Variants in LRRC1 observed in about 807,000 individuals in gnomAD.
LRRC1 encodes leucine-rich repeat-containing protein 1.
In LRRC1, 28 loss-of-function variants were observed where a neutral mutation model predicts 69.9. That is an observed-to-expected ratio of 0.40 (90% CI 0.30 to 0.55). The LOEUF is 0.55. Among genes scored for constraint, LRRC1 ranks in the 20% least tolerant of loss-of-function variants. The pLI, the probability that LRRC1 is intolerant of heterozygous loss-of-function variation, is 0.47. For missense variants in LRRC1, 498 were observed against 609.0 expected (o/e 0.82, Z 1.92); for synonymous variants, 236 against 240.2 (o/e 0.98, Z 0.16).
intron 2 of LRRC1, among the ~76,000 whole-genome samples, chr6:53,851,285 A>G (rs752111594): frequency 6.6e-6 from 1 of 151,900 alleles, no homozygotes; most frequent in Non-Finnish European, 1.5e-5. Flanking sequence ...ATTAGGAATT[A>G]ATTCATATAT....
At chr6:53,922,300 AC>A (rs1294460924) in intron 13 of LRRC1, among the ~76,000 whole-genome samples, 1 of 151,828 alleles carries the variant, frequency 6.6e-6, no homozygotes, top group Non-Finnish European at 1.5e-5. Context: ...CTTTCCCCAC[AC>A]CCTGTAATTA....
intron 2 of LRRC1, among the ~76,000 whole-genome samples, chr6:53,864,963 A>G (rs6905323): frequency 0.24 from 36,528 of 152,030 alleles, 4,640 homozygotes; most frequent in South Asian, 0.26. Flanking sequence ...CTTAAAAAAT[A>G]TAAAGTGTCC....
In LRRC1 at chr6:53,899,734, G is replaced by A. The variant is rs750518283; in HGVS notation, c.643-13G>A. Reference sequence around the variant, plus strand: ...TTTAAGTGTGCGTTTATTTTTCCATGTCATTGTTATAGGAAATAGGAAATC... The same window carrying A: ...TTTAAGTGTGCGTTTATTTTTCCATATCATTGTTATAGGAAATAGGAAATC... On this transcript the variant is annotated splice_polypyrimidine_tract_variant and intron_variant, in intron 7 of 13. Coordinates refer to ENST00000370888, the MANE Select transcript of LRRC1 (RefSeq NM_018214.5). The A allele has an allele frequency of 6.2e-7, 1 of 1,611,854 alleles. No individual in the cohort carries two copies. Among genetic ancestry groups the A allele is most frequent in the South Asian group, 1.1e-5 (1 of 90,700 alleles).
intron 1 of LRRC1, among the ~76,000 whole-genome samples, chr6:53,832,556 A>G (rs1765460855): frequency 6.6e-6 from 1 of 152,256 alleles, no homozygotes; most frequent in African/African-American, 2.4e-5. Context: ...TATAAAAAAC[A>G]CTGTAATAAA....
chr6:53,879,685 T>C (rs982023107), intron 3 of LRRC1, among the ~76,000 whole-genome samples: 20 of 151,860 alleles, frequency 1.3e-4, no homozygotes, highest in African/African-American at 4.8e-4. Context: ...TCCTTAGCAA[T>C]AGCTGTGAGG....
chr6:53,851,173 G>GAC (rs3222575), intron 2 of LRRC1, among the ~76,000 whole-genome samples: 19,110 of 144,602 alleles, frequency 0.13, 1,300 homozygotes, highest in Non-Finnish European at 0.17. Flanking sequence ...GAACTAATAG[G>GAC]ACACACACAC....
At chr6:53,896,756 C>T in intron 5 of LRRC1, 73 bp from the exon 6 acceptor site, 1 of 1,027,572 alleles carries the variant, frequency 9.7e-7, no homozygotes, top group Non-Finnish European at 1.5e-6. Flanking sequence ...GAAGCTAGTC[C>T]AAGTGAGGGA....
chr6:53,795,396 A>G lies in LRRC1; in HGVS notation c.140A>G (p.Gln47Arg), dbSNP rs1212285946. 2 of 1,612,592 alleles carry G rather than the reference A, an allele frequency of 1.2e-6. No individual in the cohort carries two copies. The highest frequency in any genetic ancestry group is 1.7e-6 in the Non-Finnish European group (2 of 1,179,848). ...SLEELLLDAN[Q>R]LRELPEQFFQ... ...GAGGAGCTGCTGCTGGACGCCAACC[A>G]GCTCCGCGAGCTGCCCGAGGTAAGG... Residue 47 changes from glutamine to arginine, a missense_variant, in exon 1 of 14, where the codon CAG becomes CGG. This residue lies in a region of LRRC1 where 70 missense variants were observed against 62.1 expected (regional missense o/e 1.13). Transcript: ENST00000370888.
At position 53,796,394 on chromosome 6, in the gene LRRC1, G is replaced by A. The variant is rs147703651; in HGVS notation, c.159+979G>A. 1.9e-3 allele frequency among the ~76,000 whole-genome samples: 284 copies of A among 152,214 alleles called. 5 individuals carry two copies. The East Asian group carries it at 0.039, about 21-fold the overall frequency. The stretch of plus-strand genomic sequence containing the variant: ...CAAACCCAGGTGTGTGCAGGAAGTC[G>A]GTGTGCAATAATCCAAAGGTGTGCA... On this transcript the variant is annotated intron_variant, in intron 1 of 13. Transcript: ENST00000370888.
chr6:53,809,627 A>T (rs367684399), intron 1 of LRRC1, among the ~76,000 whole-genome samples: 6 of 152,228 alleles, frequency 3.9e-5, no homozygotes, highest in Non-Finnish European at 8.8e-5. Flanking sequence ...TAGTTTTTAA[A>T]AAGTTTATAT....
intron 1 of LRRC1, among the ~76,000 whole-genome samples, chr6:53,800,585 A>G (rs1246829680): frequency 4.6e-5 from 7 of 151,174 alleles, no homozygotes; most frequent in African/African-American, 1.5e-4. Context: ...GTTTGAAGAC[A>G]TTTTCCTGGG....
intron 1 of LRRC1, among the ~76,000 whole-genome samples, chr6:53,829,609 A>G (rs6904545): frequency 0.36 from 54,842 of 151,992 alleles, 10,467 homozygotes; most frequent in East Asian, 0.64. Flanking sequence ...GGTGCTAATG[A>G]TACGACATAG....
intron 1 of LRRC1, among the ~76,000 whole-genome samples, chr6:53,832,254 T>C (rs1765448126): frequency 6.6e-6 from 1 of 152,222 alleles, no homozygotes; most frequent in Non-Finnish European, 1.5e-5. Flanking sequence ...CATTATGATT[T>C]TCATTTTCTA....
At chr6:53,812,341 G>A (rs919288375) in intron 1 of LRRC1, among the ~76,000 whole-genome samples, 10 of 152,168 alleles carry the variant, frequency 6.6e-5, no homozygotes, top group Non-Finnish European at 1.3e-4. Context: ...GTGGTTGGGG[G>A]AGTGAAGGAT....
chr6:53,903,992 C>T (rs1360475116), intron 9 of LRRC1, among the ~76,000 whole-genome samples: 1 of 152,204 alleles, frequency 6.6e-6, no homozygotes, highest in East Asian at 1.9e-4. Context: ...TTCCCTGCCC[C>T]AGTGCTCTGG....
chr6:53,886,536 G>C (rs763305872), intron 4 of LRRC1, among the ~76,000 whole-genome samples: 1 of 152,080 alleles, frequency 6.6e-6, no homozygotes, highest in African/African-American at 2.4e-5. Flanking sequence ...AATAGGGTAG[G>C]CTCGCTGATT....
chr6:53,815,562 TCTC>T (rs1199128117), intron 1 of LRRC1, among the ~76,000 whole-genome samples: 2 of 152,180 alleles, frequency 1.3e-5, no homozygotes, highest in African/African-American at 4.8e-5. Context: ...GGTCCAGTCC[TCTC>T]CTCTTAGCTT....
intron 4 of LRRC1, among the ~76,000 whole-genome samples, chr6:53,889,110 A>G (rs1767590713): frequency 6.6e-6 from 1 of 152,226 alleles, no homozygotes; most frequent in Admixed American, 6.5e-5. Flanking sequence ...AAAGATGTTT[A>G]ACAGCATTAG....
Position 53,879,054 on chromosome 6 carries a change from C to T in LRRC1, c.339C>T (p.Ser113=), listed in dbSNP as rs759898440. The T allele has an allele frequency of 1.9e-5, 30 of 1,612,196 alleles. No individual in the cohort carries two copies. Among genetic ancestry groups the T allele is most frequent in the Admixed American group, 3.3e-5 (2 of 59,986 alleles). ...AAGCACTGCAGGTAGCTGACTTCAGCGGAAACCCACTGACTAGGTAAGCTT... is the reference window on the plus strand; with the variant it reads ...AAGCACTGCAGGTAGCTGACTTCAGTGGAAACCCACTGACTAGGTAAGCTT... ...FCKALQVADF[S]GNPLTRLPES... Residue 113 remains serine, a synonymous_variant, in exon 3 of 14, where the codon AGC becomes AGT. Transcript: ENST00000370888.
Sources: allele counts gnomAD v4.1 joint callset (sites outside exome capture counted in the v4.1 genomes callset), GRCh38; gene constraint gnomAD v4.1.1; regional missense constraint gnomAD v4.1.1; transcripts MANE v1.5; gene names NCBI Gene and HGNC (gene_info 2026-07-23, HGNC 2026-07-21).